TRAF5: variants seen among roughly 807,000 people sequenced by gnomAD.
TRAF5 encodes the protein TNF receptor associated factor 5.
A neutral mutation model predicts 64.5 loss-of-function variants in TRAF5; 48 were observed. That is an observed-to-expected ratio of 0.74 (90% CI 0.59 to 0.95). TRAF5 has a LOEUF of 0.95. Among genes scored for constraint, TRAF5 ranks in the 40% least tolerant of loss-of-function variants. The pLI is 0.00. For missense variants in TRAF5, 545 were observed against 662.8 expected, an observed-to-expected ratio of 0.82 and a Z score of 1.95; for synonymous variants, 206 against 240.5, an observed-to-expected ratio of 0.86 and a Z score of 1.33.
At chr1:211,367,969 T>TG (rs1372629418) in intron 8 of TRAF5, among the ~76,000 whole-genome samples, 1 of 151,978 alleles carries the variant, frequency 6.6e-6, no homozygotes, top group Non-Finnish European at 1.5e-5. Context: ...ATGATAATGA[T>TG]GATTTATACA....
intron 1 of TRAF5, among the ~76,000 whole-genome samples, chr1:211,333,211 C>T (rs765196427): frequency 7.2e-5 from 11 of 152,136 alleles, no homozygotes; most frequent in South Asian, 2.1e-4. Flanking sequence ...ATTTTTGAGA[C>T]GGAGTCTTGC....
chr1:211,340,850 G>T (rs1199893186), intron 1 of TRAF5, among the ~76,000 whole-genome samples: 1 of 152,222 alleles, frequency 6.6e-6, no homozygotes, highest in Non-Finnish European at 1.5e-5. Flanking sequence ...GGTCTTCGCA[G>T]CCTCCACAAT....
intron 1 of TRAF5, among the ~76,000 whole-genome samples, chr1:211,351,685 G>A (rs139873893): frequency 3.3e-5 from 5 of 152,190 alleles, no homozygotes; most frequent in East Asian, 3.9e-4. Context: ...CTGATGTGAT[G>A]TCCAGTTGTC....
intron 3 of TRAF5, 150 bp downstream of exon 3, chr1:211,354,617 C>T: frequency 2.7e-6 from 2 of 748,846 alleles, no homozygotes; most frequent in Admixed American, 2.7e-5. Flanking sequence ...TCAGACCCTA[C>T]TCGTAGCCCT....
chr1:211,360,985 C>A, intron 6 of TRAF5, 103 bp from the exon 7 acceptor site: 1 of 1,220,726 alleles, frequency 8.2e-7, no homozygotes, highest in Non-Finnish European at 1.2e-6. Context: ...CTCTCTCCTT[C>A]TCCTGGTCCT....
chr1:211,340,074 C>T (rs1382896116), intron 1 of TRAF5, among the ~76,000 whole-genome samples: 4 of 151,918 alleles, frequency 2.6e-5, no homozygotes, highest in African/African-American at 7.3e-5. Context: ...TTCTGTAGCC[C>T]GTCTAGGGTG....
chr1:211,341,761 TTTTTG>T, intron 1 of TRAF5, among the ~76,000 whole-genome samples: 2 of 152,346 alleles, frequency 1.3e-5, no homozygotes, highest in Middle Eastern at 6.8e-3. Flanking sequence ...ATGTGCTGCA[TTTTTG>T]TTTCCTCATC....
intron 1 of TRAF5, among the ~76,000 whole-genome samples, chr1:211,350,390 GAACAAAAACAAAAACAAA>G (rs10536055): frequency 8.1e-5 from 12 of 148,632 alleles, no homozygotes; most frequent in South Asian, 2.2e-4. Context: ...TGTATTAGAA[GAACAAAAACAAAAACAAA>G]AACAAAAACA....
At chr1:211,361,631 A>G (rs879713037) in intron 7 of TRAF5, among the ~76,000 whole-genome samples, 4 of 151,850 alleles carry the variant, frequency 2.6e-5, no homozygotes, top group East Asian at 1.9e-4. Flanking sequence ...TGAGCAAACA[A>G]TTGGGCACCA....
rs748339208 is a variant in TRAF5 at position 211,356,481 on chromosome 1, CA to C, written c.378+14del. 2.1e-5 allele frequency: 34 copies of C among 1,610,772 alleles called. No homozygotes were observed. The highest frequency in any genetic ancestry group is 2.5e-6 in the Non-Finnish European group (3 of 1,177,350). On this transcript the variant is annotated intron_variant, in intron 4 of 10. Transcript: ENST00000261464. ...GGGCCGGTACCAGGTTGGTATTACT[CA>C]TGAACGATATCTGCTTTTGCCATTT... is the stretch of plus-strand genomic sequence containing the variant.
intron 7 of TRAF5, 91 bp from the exon 8 acceptor site, chr1:211,365,285 G>A: frequency 1.8e-6 from 2 of 1,112,760 alleles, no homozygotes; most frequent in Non-Finnish European, 2.6e-6. Context: ...AAGCAAAGTT[G>A]TTAAGATTCT....
chr1:211,349,248 T>C (rs1702708655), intron 1 of TRAF5, among the ~76,000 whole-genome samples: 1 of 152,110 alleles, frequency 6.6e-6, no homozygotes, highest in South Asian at 2.1e-4. Context: ...TTAGTCTGTT[T>C]GTGTTGCCAT....
intron 1 of TRAF5, chr1:211,346,238 T>G: frequency 5.0e-6 from 2 of 402,352 alleles, no homozygotes; most frequent in Non-Finnish European, 6.7e-6. Context: ...AAATCTCTGT[T>G]TGTGGTACTT....
At chr1:211,354,790 T>C (rs1702909084) in intron 3 of TRAF5, among the ~76,000 whole-genome samples, 1 of 152,246 alleles carries the variant, frequency 6.6e-6, no homozygotes, top group Non-Finnish European at 1.5e-5. Flanking sequence ...TGAGCATTTT[T>C]TCATGTGCTT....
intron 9 of TRAF5, among the ~76,000 whole-genome samples, chr1:211,370,036 T>C (rs1445242576): frequency 6.6e-6 from 1 of 152,210 alleles, no homozygotes; most frequent in African/African-American, 2.4e-5. Context: ...TTTATAGCAA[T>C]TAGGGTTTTA....
rs1703123866 is a variant in TRAF5 at position 211,360,013 on chromosome 1, C to T, written c.480C>T (p.Ser160=). Residue 160 remains serine, a synonymous_variant, in exon 5 of 11, where the codon TCC becomes TCT. Transcript: ENST00000261464. ...RKDLKEHLSA[S]CQFRKEKCLY... ...ACCTGAAAGAGCATTTGAGTGCATC[C>T]TGTCAGTTTCGAAAGGAAAAATGCC... 2 of 1,614,130 alleles carry T rather than the reference C, an allele frequency of 1.2e-6. No individual in the cohort carries two copies. The highest frequency in any genetic ancestry group is 2.7e-5 in the African/African-American group (2 of 75,046).
chr1:211,356,036 G>A (rs533360711), intron 3 of TRAF5, among the ~76,000 whole-genome samples: 6 of 152,286 alleles, frequency 3.9e-5, no homozygotes, highest in African/African-American at 1.4e-4. Context: ...CATTTACCCT[G>A]GGACAGGAAG....
chr1:211,350,721 T>C (rs1702760322), intron 1 of TRAF5, among the ~76,000 whole-genome samples: 1 of 152,220 alleles, frequency 6.6e-6, no homozygotes, highest in Non-Finnish European at 1.5e-5. Context: ...GAAAGCACCA[T>C]AGACTAGGTA....
chr1:211,373,497 T>C lies in TRAF5; in HGVS notation c.*795T>C, dbSNP rs962614301. 6.6e-6 allele frequency: 1 copy of C among 152,142 alleles called. No homozygotes were observed. The highest frequency in any genetic ancestry group is 1.5e-5 in the Non-Finnish European group (1 of 68,028). The allele number at this position is 152,142 out of a possible 1,614,324, so 9.4% of individuals were successfully genotyped here. The stretch of plus-strand genomic sequence containing the variant: ...TTCATAAGATTCAACCAAATAAATA[T>C]ATATATACACACACACATACATATA... On this transcript the variant is annotated 3_prime_UTR_variant, in exon 11 of 11. Transcript: ENST00000261464.
Sources: allele counts gnomAD v4.1 joint callset (sites outside exome capture counted in the v4.1 genomes callset), GRCh38; gene constraint gnomAD v4.1.1; transcripts MANE v1.5; gene names NCBI Gene and HGNC (gene_info 2026-07-23, HGNC 2026-07-21).